The following PCDHGB1 variants were observed in gnomAD, a reference collection of about 807,000 sequenced individuals.
The protein encoded by PCDHGB1 is protocadherin gamma-B1.
A neutral mutation model predicts 56.6 loss-of-function variants in PCDHGB1; 34 were observed. That is an observed-to-expected ratio of 0.60 (90% CI 0.46 to 0.80). The LOEUF (loss-of-function observed/expected upper bound fraction) is 0.80, where lower values mean the gene tolerates loss of function less well. PCDHGB1 is among the 30% of genes least tolerant of loss of function. PCDHGB1 has a pLI of 0.00. For missense variants in PCDHGB1, 1,278 were observed against 1,204.6 expected, an observed-to-expected ratio of 1.06 and a Z score of -0.90; for synonymous variants, 561 against 505.9, an observed-to-expected ratio of 1.11 and a Z score of -1.46.
In PCDHGB1 at chr5:141,430,746, G is replaced by A. The variant is rs369205374; in HGVS notation, c.2410-64061G>A. ...TAAGGGCAGAATTGAAAATAATTCTGGAGGAAGATAAGAATGATTCCTGCG... is the reference window on the plus strand; with the variant it reads ...TAAGGGCAGAATTGAAAATAATTCTAGAGGAAGATAAGAATGATTCCTGCG... On this transcript the variant is annotated intron_variant, in intron 1 of 3. Coordinates refer to ENST00000523390, the MANE Select transcript of PCDHGB1 (RefSeq NM_018922.3). 3.3e-5 allele frequency: 49 copies of A among 1,500,684 alleles called. No homozygotes were observed. The African/African-American group carries it at 6.3e-4, about 19-fold the overall frequency. The allele number at this position is 1,500,684 out of a possible 1,614,324, so 93.0% of individuals were successfully genotyped here.
chr5:141,500,445 G>A (rs1319009998), intron 2 of PCDHGB1, among the ~76,000 whole-genome samples: 1 of 151,816 alleles, frequency 6.6e-6, no homozygotes, highest in Non-Finnish European at 1.5e-5. Flanking sequence ...TCCTGACCTC[G>A]TGATCCGCCC....
intron 1 of PCDHGB1, chr5:141,361,956 C>T: frequency 1.9e-6 from 3 of 1,603,312 alleles, no homozygotes; most frequent in Non-Finnish European, 1.7e-6. Flanking sequence ...TGTCCTACCA[C>T]GTGCTGCAGG....
rs978782104 is a variant in PCDHGB1 at position 141,431,445 on chromosome 5, G to C, written c.2410-63362G>C. 1 of 1,613,742 alleles carries C rather than the reference G, an allele frequency of 6.2e-7. No homozygotes were observed. On this transcript the variant is annotated intron_variant, in intron 1 of 3. Transcript: ENST00000523390. This position sits in a 1 kb window ranked among gnomAD's most constrained non-coding sequence, Gnocchi z 4.8. ...GTGCGCACAGGCACCGCGCGCATCC[G>C]CGTGATGGTTCTGGATGCGAACGAC...
chr5:141,360,006 A>G lies in PCDHGB1; in HGVS notation c.2409+7337A>G, dbSNP rs551893441. On this transcript the variant is annotated intron_variant, in intron 1 of 3. Transcript: ENST00000523390. ...AGAGGGGAACTTCCTGCACAAACCA[A>G]CCACACAGAGAAGGCCAGTATAGAT... 5.9e-5 allele frequency: 71 copies of G among 1,203,596 alleles called. No homozygotes were observed. The Middle Eastern group carries it at 1.4e-3, about 25-fold the overall frequency. 74.6% of individuals were successfully genotyped at this position (1,203,596 alleles called of 1,614,324 possible). A position where few individuals can be genotyped will look rare whatever the true frequency, so the allele number is the denominator to read the frequency against.
chr5:141,351,559 C>G lies in PCDHGB1; in HGVS notation c.1299C>G (p.Ser433Arg). Residue 433 changes from serine (S) to arginine (R), a missense_variant, in exon 1 of 4, where the codon AGC becomes AGG. Transcript: ENST00000523390. ...KGKPALSSRT[S>R]ITLHISDIND... The stretch of plus-strand genomic sequence containing the variant: ...AACCAGCCCTTTCCTCCAGGACAAG[C>G]ATCACCCTGCACATCTCCGACATCA... 1 of 1,614,050 alleles carries G rather than the reference C, an allele frequency of 6.2e-7. No homozygotes were observed. Among genetic ancestry groups the G allele is most frequent in the Non-Finnish European group, 8.5e-7 (1 of 1,179,904 alleles).
intron 2 of PCDHGB1, among the ~76,000 whole-genome samples, chr5:141,501,838 G>C (rs888418141): frequency 6.6e-6 from 1 of 152,000 alleles, no homozygotes; most frequent in African/African-American, 2.4e-5. Flanking sequence ...CACCTGTTTG[G>C]CCCTCAACCT....
At chr5:141,446,461 A>G (rs1273508266) in intron 1 of PCDHGB1, among the ~76,000 whole-genome samples, 1 of 151,298 alleles carries the variant, frequency 6.6e-6, no homozygotes, top group Non-Finnish European at 1.5e-5. Flanking sequence ...TCAGTGTGTG[A>G]TTAGACATAT....
At chr5:141,372,621 T>C (rs775165911) in intron 1 of PCDHGB1, 1 of 1,614,026 alleles carries the variant, frequency 6.2e-7, no homozygotes, top group East Asian at 2.2e-5. Context: ...TCTCCCCACC[T>C]ACAGCGAAAG....
chr5:141,468,229 G>A (rs1363462610), intron 1 of PCDHGB1, among the ~76,000 whole-genome samples: 4 of 150,884 alleles, frequency 2.7e-5, no homozygotes, highest in Non-Finnish European at 5.9e-5. Flanking sequence ...GGAGGATGAG[G>A]TAGGAGAATT....
At chr5:141,467,352 C>A (rs2099142466) in intron 1 of PCDHGB1, among the ~76,000 whole-genome samples, 1 of 152,140 alleles carries the variant, frequency 6.6e-6, no homozygotes, top group South Asian at 2.1e-4. Context: ...TGCCCCCGGC[C>A]AAATCAACGT....
intron 1 of PCDHGB1, chr5:141,383,222 TC>T: frequency 6.2e-7 from 1 of 1,613,962 alleles, no homozygotes. Flanking sequence ...AACTTTAACA[TC>T]CTGATGGAAG....
intron 1 of PCDHGB1, chr5:141,408,684 A>G (rs1660685979): frequency 6.2e-7 from 1 of 1,613,862 alleles, no homozygotes; most frequent in African/African-American, 1.3e-5. Context: ...ACGGATCCTG[A>G]TATAAACATA....
intron 1 of PCDHGB1, chr5:141,427,726 T>C: frequency 8.7e-7 from 1 of 1,155,152 alleles, no homozygotes; most frequent in Non-Finnish European, 1.3e-6. Context: ...GACCTAGGGC[T>C]GAATGGCCAA....
At chr5:141,430,829 T>A (rs763916884) in intron 1 of PCDHGB1, 1 of 1,554,558 alleles carries the variant, frequency 6.4e-7, no homozygotes, top group Non-Finnish European at 8.7e-7. Context: ...GGGGACTCTG[T>A]GGGAGACCGG....
chr5:141,399,349 C>A (rs1467940246), intron 1 of PCDHGB1: 15 of 1,613,814 alleles, frequency 9.3e-6, no homozygotes, highest in African/African-American at 1.3e-5. Flanking sequence ...AACCCTAGAC[C>A]GAGAGCAAAC....
intron 1 of PCDHGB1, chr5:141,375,203 C>T (rs1346536726): frequency 4.3e-6 from 7 of 1,613,912 alleles, no homozygotes; most frequent in Non-Finnish European, 5.1e-6. Flanking sequence ...AGTGTTCGAT[C>T]GAGACTCTGG....
At chr5:141,466,279 T>A (rs1386803685) in intron 1 of PCDHGB1, among the ~76,000 whole-genome samples, 1 of 152,144 alleles carries the variant, frequency 6.6e-6, no homozygotes, top group Non-Finnish European at 1.5e-5. Flanking sequence ...CAAGCAATCT[T>A]CCCACCTCAG....
chr5:141,374,388 G>A (rs779801370), intron 1 of PCDHGB1: 1 of 1,614,044 alleles, frequency 6.2e-7, no homozygotes, highest in South Asian at 1.1e-5. Context: ...AGCCCGCGGT[G>A]TCTGGTGAGT....
At chr5:141,460,872 T>C (rs2098999714) in intron 1 of PCDHGB1, among the ~76,000 whole-genome samples, 1 of 151,064 alleles carries the variant, frequency 6.6e-6, no homozygotes, top group South Asian at 2.1e-4. Flanking sequence ...GCAAAGGACA[T>C]TATTTCATGC....
Sources: allele counts gnomAD v4.1 joint callset (sites outside exome capture counted in the v4.1 genomes callset), GRCh38; gene constraint gnomAD v4.1.1; non-coding constraint Gnocchi (gnomAD v3.1); transcripts MANE v1.5; gene names NCBI Gene and HGNC (gene_info 2026-07-23, HGNC 2026-07-21).